The following LRMDA variants were observed in gnomAD, a reference collection of about 807,000 sequenced individuals.
LRMDA encodes leucine rich melanocyte differentiation associated.
In LRMDA, 18 loss-of-function variants were observed where a neutral mutation model predicts 29.8. The observed-to-expected ratio is 0.60, with a 90% confidence interval of 0.42 to 0.90. LRMDA has a LOEUF of 0.90. Ranked by LOEUF, LRMDA falls within the 40% of genes least tolerant of loss-of-function variation. LRMDA has a pLI of 0.00. For missense variants in LRMDA, 273 were observed against 273.9 expected (o/e 1.00, Z 0.02); for synonymous variants, 125 against 109.4 (o/e 1.14, Z -0.89).
At chr10:75,728,428 G>C (rs1277821754) in intron 2 of LRMDA, among the ~76,000 whole-genome samples, 1 of 47,614 alleles carries the variant, frequency 2.1e-5, no homozygotes, top group Non-Finnish European at 3.9e-5. Flanking sequence ...ACGTGGCTCT[G>C]TGTGTGTGTG....
chr10:76,309,268 T>A (rs1025594457), intron 5 of LRMDA, among the ~76,000 whole-genome samples: 2 of 152,084 alleles, frequency 1.3e-5, no homozygotes, highest in African/African-American at 4.8e-5. Flanking sequence ...ACCTTTCTGA[T>A]GAGGGTGTGA....
intron 5 of LRMDA, among the ~76,000 whole-genome samples, chr10:76,209,479 A>G (rs1193467291): frequency 6.6e-6 from 1 of 152,126 alleles, no homozygotes; most frequent in Non-Finnish European, 1.5e-5. Flanking sequence ...CGGCATAAGA[A>G]TTAGTATATT....
intron 2 of LRMDA, among the ~76,000 whole-genome samples, chr10:75,920,788 A>G (rs1846013126): frequency 6.6e-6 from 1 of 152,220 alleles, no homozygotes; most frequent in South Asian, 2.1e-4. Flanking sequence ...GAGGTGCTCA[A>G]TAAATGCTTA....
At chr10:75,878,061 G>T (rs1423855395) in intron 2 of LRMDA, among the ~76,000 whole-genome samples, 2 of 152,132 alleles carry the variant, frequency 1.3e-5, no homozygotes, top group African/African-American at 4.8e-5. Flanking sequence ...CCCACAGCAG[G>T]GTCTAGGGTT....
chr10:76,288,219 C>T (rs975601436), intron 5 of LRMDA, among the ~76,000 whole-genome samples: 2 of 152,156 alleles, frequency 1.3e-5, no homozygotes, highest in African/African-American at 4.8e-5. Flanking sequence ...TTGTTGAAAG[C>T]AGTTCGGCAA....
chr10:76,491,033 A>G (rs1842829004), intron 6 of LRMDA, among the ~76,000 whole-genome samples: 1 of 151,978 alleles, frequency 6.6e-6, no homozygotes, highest in African/African-American at 2.4e-5. Flanking sequence ...AATTGCATCA[A>G]CAAACAAAAG....
At chr10:75,711,630 C>G (rs1435674556) in intron 2 of LRMDA, among the ~76,000 whole-genome samples, 1 of 151,974 alleles carries the variant, frequency 6.6e-6, no homozygotes, top group Non-Finnish European at 1.5e-5. Flanking sequence ...TTTTATCATC[C>G]TAATCATAGC....
chr10:75,589,777 TAGAGAG>T (rs796093885), intron 2 of LRMDA, among the ~76,000 whole-genome samples: 3 of 135,488 alleles, frequency 2.2e-5, no homozygotes, highest in African/African-American at 8.3e-5. Flanking sequence ...TATATATATA[TAGAGAG>T]AGAGAGAGAG....
intron 2 of LRMDA, among the ~76,000 whole-genome samples, chr10:76,013,491 A>G (rs1847821818): frequency 6.6e-6 from 1 of 152,104 alleles, no homozygotes; most frequent in African/African-American, 2.4e-5. Context: ...CACACACAGA[A>G]GAGCGCTCTT....
intron 6 of LRMDA, among the ~76,000 whole-genome samples, chr10:76,365,684 G>A (rs577801519): frequency 1.9e-4 from 29 of 152,192 alleles, no homozygotes; most frequent in South Asian, 6.2e-4. Flanking sequence ...ATTTTCTCCC[G>A]CTCTGCGGGT....
rs186714429 is a variant in LRMDA at position 75,867,265 on chromosome 10, C to T, written c.132-168743C>T. On this transcript the variant is annotated intron_variant, in intron 2 of 6. Coordinates refer to ENST00000611255, the MANE Select transcript of LRMDA (RefSeq NM_001305581.2). ...GCAACCTCCGCCTCCTAGGTTCAAG[C>T]GATTCTCCTGCCTCAGCCTCCTGAG... Among the ~76,000 whole-genome samples, 988 of 152,256 alleles carry T rather than the reference C, an allele frequency of 6.5e-3. 7 individuals carry two copies. Among genetic ancestry groups the T allele is most frequent in the Non-Finnish European group, 0.012 (783 of 68,016 alleles).
intron 5 of LRMDA, among the ~76,000 whole-genome samples, chr10:76,116,023 G>A (rs1849662458): frequency 6.6e-6 from 1 of 152,164 alleles, no homozygotes; most frequent in Non-Finnish European, 1.5e-5. Context: ...AGTGTGACAC[G>A]GCGCGTTATC....
At chr10:75,693,682 A>C (rs1347966347) in intron 2 of LRMDA, among the ~76,000 whole-genome samples, 1 of 152,168 alleles carries the variant, frequency 6.6e-6, no homozygotes, top group African/African-American at 2.4e-5. Context: ...AATTGATATA[A>C]TGACTTAATG....
At chr10:76,076,819 G>A (rs1182560264) in intron 5 of LRMDA, among the ~76,000 whole-genome samples, 1 of 152,112 alleles carries the variant, frequency 6.6e-6, no homozygotes, top group Non-Finnish European at 1.5e-5. Context: ...TCTTTCAAGG[G>A]TCGGGCAGAC....
chr10:75,896,263 A>G (rs10762685), intron 2 of LRMDA, among the ~76,000 whole-genome samples: 59,576 of 152,030 alleles, frequency 0.39, 13,592 homozygotes, highest in South Asian at 0.52. Flanking sequence ...CCTGCTAGCT[A>G]TATGATTTGG....
At chr10:75,541,876 C>T (rs549084520) in intron 2 of LRMDA, among the ~76,000 whole-genome samples, 11 of 152,208 alleles carry the variant, frequency 7.2e-5, no homozygotes, top group African/African-American at 2.6e-4. Context: ...GGGGACATGT[C>T]TCTCCCCACC....
chr10:76,020,466 C>A (rs901889954), intron 2 of LRMDA, among the ~76,000 whole-genome samples: 1 of 152,164 alleles, frequency 6.6e-6, no homozygotes, highest in Admixed American at 6.5e-5. Context: ...TTCTGGTTTG[C>A]CAAGCACTTT....
intron 5 of LRMDA, among the ~76,000 whole-genome samples, chr10:76,242,990 G>T (rs571547032): frequency 2.0e-5 from 3 of 152,088 alleles, no homozygotes; most frequent in Admixed American, 1.3e-4. Context: ...TGAATAAGTC[G>T]TTCTCCACCT....
intron 2 of LRMDA, among the ~76,000 whole-genome samples, chr10:75,850,627 A>G (rs1844716058): frequency 6.6e-6 from 1 of 152,174 alleles, no homozygotes; most frequent in Non-Finnish European, 1.5e-5. Context: ...CAAAACAGTA[A>G]CATATTAAAA....
Sources: gnomAD v4.1 joint callset for allele counts (sites outside exome capture counted in the v4.1 genomes callset) on GRCh38, gnomAD v4.1.1 for gene constraint, MANE v1.5 for transcripts, NCBI Gene and HGNC (gene_info 2026-07-23, HGNC 2026-07-21) for gene names.